PCGF3: variants seen among roughly 807,000 people sequenced by gnomAD.
PCGF3 encodes polycomb group RING finger protein 3.
In PCGF3, 7 loss-of-function variants were observed where a neutral mutation model predicts 33.1. The observed-to-expected ratio is 0.21, with a 90% CI of 0.12 to 0.40. The LOEUF (loss-of-function observed/expected upper bound fraction) is 0.40, where lower values mean the gene tolerates loss of function less well. Ranked by LOEUF, PCGF3 falls within the 10% of genes least tolerant of loss-of-function variation. The pLI is 1.00. For synonymous variants in PCGF3, 153 were observed against 121.3 expected (o/e 1.26, Z -1.72); for missense variants, 211 against 313.3 (o/e 0.67, Z 2.46).
intron 7 of PCGF3, 65 bp from the exon 8 acceptor site, chr4:744,535 G>T: frequency 8.4e-7 from 1 of 1,190,040 alleles, no homozygotes. Flanking sequence ...GGAGTACAGT[G>T]TAGTTTTTTA....
At chr4:729,233 A>T (rs1033798342) in intron 1 of PCGF3, among the ~76,000 whole-genome samples, 4 of 151,452 alleles carry the variant, frequency 2.6e-5, no homozygotes, top group Non-Finnish European at 5.9e-5. Flanking sequence ...TGGATAACAG[A>T]CTGAGACCCT....
In PCGF3 at chr4:754,333, C is replaced by T. The variant is rs555808971; in HGVS notation, c.463-6946C>T. On this transcript the variant is annotated intron_variant, in intron 8 of 10. Coordinates refer to ENST00000362003, the Ensembl canonical transcript of PCGF3. ...TGGCTCCTGTCCGCACCCTCGGGCA[C>T]GCGCTGTGCTCTTGGGACTTCACAC... is the stretch of plus-strand genomic sequence containing the variant. 8.2e-3 allele frequency among the ~76,000 whole-genome samples: 1,242 copies of T among 152,316 alleles called. 8 individuals carry two copies. Among genetic ancestry groups the T allele is most frequent in the African/African-American group, 0.025 (1,057 of 41,564 alleles).
intron 1 of PCGF3, among the ~76,000 whole-genome samples, chr4:708,023 GCCGGGACCC>G: frequency 7.5e-6 from 1 of 132,538 alleles, no homozygotes; most frequent in African/African-American, 2.9e-5. Context: ...TCCCCTGGGG[GCCGGGACCC>G]TGGGACAGCC....
intron 1 of PCGF3, among the ~76,000 whole-genome samples, chr4:727,634 T>C (rs191464802): frequency 5.0e-4 from 76 of 152,324 alleles, no homozygotes; most frequent in African/African-American, 1.8e-3. Flanking sequence ...TCTCCTTGTA[T>C]CTTTTGTCAT....
In PCGF3 at chr4:721,366, ATG is replaced by A. The variant is rs1313085498; in HGVS notation, c.-189-9261_-189-9260del. Among the ~76,000 whole-genome samples the A allele has an allele frequency of 6.6e-6, 1 of 151,996 alleles. No homozygotes were observed. Among genetic ancestry groups the A allele is most frequent in the Non-Finnish European group, 1.5e-5 (1 of 68,000 alleles). ...CCTAAGATATGGGTGGCAGAAGAAA[ATG>A]TGCCCCAGGCATGGGCTTGTGATGC... On this transcript the variant is annotated intron_variant, in intron 1 of 10. Coordinates refer to ENST00000362003, the Ensembl canonical transcript of PCGF3. This position sits in a 1 kb window ranked among gnomAD's most constrained non-coding sequence, Gnocchi z 4.1.
rs1227470358 is a variant in PCGF3 at position 737,569 on chromosome 4, C to CAGGGAAGT, written c.262+48_262+49insAGGGAAGT. 5.2e-6 allele frequency: 6 copies of CAGGGAAGT among 1,157,318 alleles called. No individual in the cohort carries two copies. In the African/African-American group the frequency reaches 7.6e-5, roughly 15 times the overall value. 71.7% of individuals were successfully genotyped at this position (1,157,318 alleles called of 1,614,324 possible). A position where few individuals can be genotyped will look rare whatever the true frequency, so the allele number is the denominator to read the frequency against. ...GATCCCTGAGGTCCCAGCCTGGCCT[C>CAGGGAAGT]TGCAGCCCCTGCTCTCCTGGAAGTT... is the stretch of plus-strand genomic sequence containing the variant. On this transcript the variant is annotated intron_variant, in intron 6 of 10. Transcript: ENST00000362003.
chr4:724,802 A>G (rs2109565829), intron 1 of PCGF3, among the ~76,000 whole-genome samples: 1 of 152,266 alleles, frequency 6.6e-6, no homozygotes, highest in East Asian at 1.9e-4. Flanking sequence ...CGTCTCACAC[A>G]CACACACAAA....
chr4:707,229 G>A (rs1200202549), intron 1 of PCGF3, among the ~76,000 whole-genome samples: 1 of 151,540 alleles, frequency 6.6e-6, no homozygotes, highest in East Asian at 2.0e-4. Flanking sequence ...GGGGGGGCTA[G>A]GACCCTGGGA....
chr4:754,291 G>C (rs1053479406), intron 8 of PCGF3, among the ~76,000 whole-genome samples: 1 of 152,226 alleles, frequency 6.6e-6, no homozygotes, highest in East Asian at 1.9e-4. Context: ...CCTCCGAGTT[G>C]TGCCTCCCTG....
chr4:729,940 G>A (rs1453801489), intron 1 of PCGF3, among the ~76,000 whole-genome samples: 3 of 152,104 alleles, frequency 2.0e-5, no homozygotes, highest in African/African-American at 4.8e-5. Flanking sequence ...GAGGTTCCCG[G>A]GGAAGCACTC....
chr4:737,171 C>T (rs534098848), intron 5 of PCGF3, among the ~76,000 whole-genome samples: 5 of 152,090 alleles, frequency 3.3e-5, no homozygotes, highest in Admixed American at 2.0e-4. Context: ...GTCCCCTGAG[C>T]GCACGGGACG....
intron 9 of PCGF3, chr4:762,133 C>T (rs1455112765): frequency 6.2e-6 from 6 of 964,470 alleles, no homozygotes; most frequent in Non-Finnish European, 7.4e-6. Flanking sequence ...GAAGATAAGC[C>T]ACATCCTAAC....
At chr4:730,931 TGACGC>T (rs1743528713) in intron 2 of PCGF3, 34 bp from the exon 3 acceptor site, 1 of 397,988 alleles carries the variant, frequency 2.5e-6, no homozygotes, top group Non-Finnish European at 4.4e-6. Flanking sequence ...CACACATCCA[TGACGC>T]GAAGTGAACT....
At chr4:766,210 A>G (rs953483949) in exon 11 of PCGF3, 5 of 683,156 alleles carry the variant, frequency 7.3e-6, no homozygotes, top group Non-Finnish European at 1.3e-5. Flanking sequence ...TAACTTTTGT[A>G]TGAGAGAGAA....
chr4:716,348 G>A (rs1475647023), intron 1 of PCGF3, among the ~76,000 whole-genome samples: 23 of 144,252 alleles, frequency 1.6e-4, no homozygotes, highest in East Asian at 2.1e-4. Flanking sequence ...AGAACTGGGC[G>A]TCGGTGCTGG....
intron 1 of PCGF3, among the ~76,000 whole-genome samples, chr4:710,942 GTT>G (rs1742535236): frequency 6.6e-6 from 1 of 152,234 alleles, no homozygotes; most frequent in Admixed American, 6.5e-5. Context: ...GTTTTTACCA[GTT>G]ACAGTAGACC....
chr4:737,511 C>T, exon 6 of PCGF3: 3 of 1,606,510 alleles, frequency 1.9e-6, no homozygotes, highest in African/African-American at 1.3e-5. Flanking sequence ...TGGTACCAGG[C>T]CTCCAAGAAG....
At chr4:753,854 T>A (rs143787466) in intron 8 of PCGF3, among the ~76,000 whole-genome samples, 22 of 151,656 alleles carry the variant, frequency 1.5e-4, no homozygotes, top group Non-Finnish European at 2.5e-4. Context: ...GGCTGAGGCA[T>A]GAGAATCGCT....
intron 4 of PCGF3, chr4:734,615 T>C: frequency 1.6e-6 from 2 of 1,216,518 alleles, no homozygotes; most frequent in Non-Finnish European, 1.0e-6. Context: ...AAATTATCTG[T>C]TTTAGCCCAT....
Sources: allele counts gnomAD v4.1 joint callset (sites outside exome capture counted in the v4.1 genomes callset), GRCh38; gene constraint gnomAD v4.1.1; non-coding constraint Gnocchi (gnomAD v3.1); transcripts MANE v1.5; gene names NCBI Gene and HGNC (gene_info 2026-07-23, HGNC 2026-07-21).